The following ATL2 variants were observed in gnomAD, a reference collection of about 807,000 sequenced individuals.
ATL2 encodes the protein atlastin GTPase 2, also known as atlastin-2.
A neutral mutation model predicts 73.9 loss-of-function variants in ATL2; 31 were observed. The observed-to-expected ratio is 0.42, with a 90% CI of 0.32 to 0.57. The LOEUF (loss-of-function observed/expected upper bound fraction) is 0.57, where lower values mean the gene tolerates loss of function less well. Among genes scored for constraint, ATL2 ranks in the 20% least tolerant of loss-of-function variants. The probability of loss-of-function intolerance (pLI) is 0.14; values close to 1 mark genes in which losing one functional copy is unlikely to be tolerated. For missense variants in ATL2, 738 were observed against 702.6 expected (o/e 1.05, Z -0.57); for synonymous variants, 291 against 237.5 (o/e 1.23, Z -2.07).
intron 2 of ATL2, among the ~76,000 whole-genome samples, chr2:38,325,887 T>TTTTG (rs201934989): frequency 2.3e-4 from 32 of 138,990 alleles, no homozygotes; most frequent in Non-Finnish European, 3.8e-4. Flanking sequence ...TAGTTTAAGG[T>TTTTG]TTTGTTTGTT....
chr2:38,310,415 A>T lies in ATL2; in HGVS notation c.837T>A (p.Asn279Lys). ...AACAATTGTGTATGTGCTTCCTTACATTCTGAAGCTCTTCATGTTGATTTT... is the reference window on the plus strand; with the variant it reads ...AACAATTGTGTATGTGCTTCCTTACTTTCTGAAGCTCTTCATGTTGATTTT... ...VKQNQHEELQ[N>K]VRKHIHNCFS... Residue 279 changes from asparagine to lysine, a missense_variant, in exon 8 of 13, where the codon AAT becomes AAA. Asn to Lys is a moderately conservative substitution (Grantham distance 94). Coordinates refer to ENST00000378954, the MANE Select transcript of ATL2 (RefSeq NM_001135673.4). 1 of 1,607,510 alleles carries T rather than the reference A, an allele frequency of 6.2e-7. No individual in the cohort carries two copies. Among genetic ancestry groups the T allele is most frequent in the Non-Finnish European group, 8.5e-7 (1 of 1,177,364 alleles).
chr2:38,356,512 G>A (rs550211945), intron 1 of ATL2, among the ~76,000 whole-genome samples: 1 of 152,080 alleles, frequency 6.6e-6, no homozygotes, highest in South Asian at 2.1e-4. Flanking sequence ...TTTACATACA[G>A]TCTTCTAAAT....
At chr2:38,307,896 A>G (rs1302772942) in intron 9 of ATL2, among the ~76,000 whole-genome samples, 2 of 152,192 alleles carry the variant, frequency 1.3e-5, no homozygotes, top group Admixed American at 1.3e-4. Context: ...AATCAAAACT[A>G]CAGAAAGATA....
chr2:38,341,505 G>A (rs114277462), intron 2 of ATL2, among the ~76,000 whole-genome samples: 2,298 of 152,116 alleles, frequency 0.015, 73 homozygotes, highest in African/African-American at 0.053. Flanking sequence ...AAGCATTGTG[G>A]TGCATGCCTG....
intron 2 of ATL2, among the ~76,000 whole-genome samples, chr2:38,322,761 C>G (rs928949550): frequency 2.6e-5 from 4 of 152,126 alleles, no homozygotes; most frequent in Non-Finnish European, 5.9e-5. Context: ...CACCTGTAAT[C>G]CCAGCACTTT....
At chr2:38,337,389 G>A (rs1669422948) in intron 2 of ATL2, among the ~76,000 whole-genome samples, 1 of 147,512 alleles carries the variant, frequency 6.8e-6, no homozygotes, top group Admixed American at 6.9e-5. Flanking sequence ...GAGAGGCTGA[G>A]GCAGGAGAAT....
Position 38,376,994 on chromosome 2 carries a change from C to A in ATL2, c.118+149G>T, listed in dbSNP as rs922042180. 4 of 553,432 alleles carry A rather than the reference C, an allele frequency of 7.2e-6. 1 individual carries two copies. The highest frequency in any genetic ancestry group is 7.8e-5 in the East Asian group (2 of 25,554). 34.3% of individuals were successfully genotyped at this position (553,432 alleles called of 1,614,324 possible). A position where few individuals can be genotyped will look rare whatever the true frequency, so the allele number is the denominator to read the frequency against. On this transcript the variant is annotated intron_variant, in intron 1 of 12. Coordinates refer to ENST00000378954, the MANE Select transcript of ATL2 (RefSeq NM_001135673.4). ...GCGGGAGCGCGGGGCGCGGCTGAGGCTAGGCCCGGCGGGCAGGCGCGGCGG... is the reference window on the plus strand; with the variant it reads ...GCGGGAGCGCGGGGCGCGGCTGAGGATAGGCCCGGCGGGCAGGCGCGGCGG...
At chr2:38,378,529 G>A (rs902175995), upstream of ATL2, among the ~76,000 whole-genome samples, 2 of 152,166 alleles carry the variant, frequency 1.3e-5, no homozygotes, top group African/African-American at 4.8e-5. Context: ...GAGCCACTGC[G>A]CCCGGCCCAT....
chr2:38,312,873 C>T (rs2148425711), intron 7 of ATL2, among the ~76,000 whole-genome samples: 1 of 152,256 alleles, frequency 6.6e-6, no homozygotes, highest in African/African-American at 2.4e-5. Context: ...GTTCTTTATG[C>T]TGTGTGAGAA....
intron 2 of ATL2, among the ~76,000 whole-genome samples, chr2:38,322,190 CAAA>C (rs11405964): frequency 7.2e-6 from 1 of 138,978 alleles, no homozygotes. Context: ...CCCACAATGT[CAAA>C]AAAAAAAAAA....
chr2:38,325,387 T>G (rs1221137153), intron 2 of ATL2, among the ~76,000 whole-genome samples: 2 of 152,054 alleles, frequency 1.3e-5, no homozygotes, highest in Non-Finnish European at 2.9e-5. Flanking sequence ...TAGGAACACT[T>G]AAATGGCAAT....
At position 38,343,318 on chromosome 2, in the gene ATL2, T is replaced by C; in HGVS notation, c.313A>G (p.Lys105Glu). ...AAGTCCAGTAGAAATGACTTCCCTT[T>C]ACGAAAAGCTCCTGCCACAGATACC... ...VVVSVAGAFR[K>E]GKSFLLDFML... The change falls in exon 2 of 13, where the codon AAA becomes GAA. Residue 105 changes from lysine (K) to glutamate (E), a missense_variant. By Grantham distance (56) the Lys-to-Glu change is moderately conservative. Coordinates refer to ENST00000378954, the MANE Select transcript of ATL2 (RefSeq NM_001135673.4). The C allele has an allele frequency of 1.2e-6, 2 of 1,612,048 alleles. No homozygotes were observed. Among genetic ancestry groups the C allele is most frequent in the Non-Finnish European group, 1.7e-6 (2 of 1,179,468 alleles).
At chr2:38,297,890 G>A (rs1048659041) in intron 12 of ATL2, 15 of 322,522 alleles carry the variant, frequency 4.7e-5, no homozygotes, top group Admixed American at 1.4e-4. Flanking sequence ...CCTGCCCACC[G>A]TCTGATACAA....
rs1171267857 is a variant in ATL2 at position 38,315,289 on chromosome 2, A to G, written c.649T>C (p.Leu217=). Residue 217 remains leucine, a synonymous_variant, in exon 5 of 13, where the codon TTG becomes CTG. Coordinates refer to ENST00000378954, the MANE Select transcript of ATL2 (RefSeq NM_001135673.4). The stretch of plus-strand genomic sequence containing the variant: ...TTAAAAAAAGAAATACGTACTTGCA[A>G]ATGTTGAAGATCATCTTCTTGAATA... ...QNIQEDDLQH[L]QLFTEYGRLA... 1 of 1,488,426 alleles carries G rather than the reference A, an allele frequency of 6.7e-7. No individual in the cohort carries two copies. Among genetic ancestry groups the G allele is most frequent in the Non-Finnish European group, 8.9e-7 (1 of 1,128,522 alleles). The allele number at this position is 1,488,426 out of a possible 1,614,324, so 92.2% of individuals were successfully genotyped here. A position where few individuals can be genotyped will look rare whatever the true frequency, so the allele number is the denominator to read the frequency against.
intron 1 of ATL2, among the ~76,000 whole-genome samples, chr2:38,356,314 C>A (rs1037602737): frequency 1.3e-5 from 2 of 151,982 alleles, no homozygotes; most frequent in African/African-American, 2.4e-5. Context: ...CTCCCTCAGC[C>A]TCCCAAGTAG....
chr2:38,369,833 C>G (rs1038845442), intron 1 of ATL2, among the ~76,000 whole-genome samples: 2 of 151,770 alleles, frequency 1.3e-5, no homozygotes, highest in African/African-American at 4.8e-5. Flanking sequence ...GTTTTCCCGT[C>G]AAAACTCCTC....
At chr2:38,336,672 G>A (rs1669373759) in intron 2 of ATL2, among the ~76,000 whole-genome samples, 1 of 152,130 alleles carries the variant, frequency 6.6e-6, no homozygotes, top group Non-Finnish European at 1.5e-5. Flanking sequence ...AAAGGCTCTG[G>A]CATCAAATTG....
chr2:38,325,193 G>C (rs1668528367), intron 2 of ATL2, among the ~76,000 whole-genome samples: 1 of 152,156 alleles, frequency 6.6e-6, no homozygotes, highest in African/African-American at 2.4e-5. Flanking sequence ...AAGTTTAGAA[G>C]TCATCAGACC....
intron 1 of ATL2, among the ~76,000 whole-genome samples, 186 bp from the exon 2 acceptor site, chr2:38,343,698 C>A (rs1669860498): frequency 6.6e-6 from 1 of 152,022 alleles, no homozygotes; most frequent in African/African-American, 2.4e-5. Flanking sequence ...TAAGATTTCC[C>A]ACTTGATATG....
Sources: gnomAD v4.1 joint callset for allele counts (sites outside exome capture counted in the v4.1 genomes callset) on GRCh38, gnomAD v4.1.1 for gene constraint, MANE v1.5 for transcripts, NCBI Gene and HGNC (gene_info 2026-07-23, HGNC 2026-07-21) for gene names.